IL19: variants seen among roughly 807,000 people sequenced by gnomAD.
IL19 encodes the protein interleukin-19.
Under a neutral mutation model 19.5 loss-of-function variants are expected in IL19, and 15 were observed. That is an observed-to-expected ratio of 0.77 (90% CI 0.52 to 1.19). IL19 has a LOEUF of 1.19. Ranked by LOEUF, IL19 falls within the 50% of genes most tolerant of loss-of-function variation. IL19 has a pLI of 0.00. For missense variants in IL19, 199 were observed against 213.1 expected, an observed-to-expected ratio of 0.93 and a Z score of 0.41; for synonymous variants, 78 against 78.3, an observed-to-expected ratio of 1.00 and a Z score of 0.02.
intron 2 of IL19, among the ~76,000 whole-genome samples, chr1:206,830,083 A>G (rs1332397256): frequency 2.0e-5 from 3 of 152,164 alleles, no homozygotes. Context: ...TCACAAGTCT[A>G]GGTTCCTTTC....
chr1:206,795,051 G>A (rs1031124482), intron 1 of IL19, among the ~76,000 whole-genome samples: 6 of 152,176 alleles, frequency 3.9e-5, no homozygotes, highest in African/African-American at 1.4e-4. Flanking sequence ...TGGCTGTTAT[G>A]CTCTGGCCCA....
At chr1:206,833,493 A>G (rs1345661553) in intron 2 of IL19, among the ~76,000 whole-genome samples, 1 of 152,296 alleles carries the variant, frequency 6.6e-6, no homozygotes, top group Non-Finnish European at 1.5e-5. Context: ...GGCCTAGTGC[A>G]GTAACTCAGT....
intron 1 of IL19, among the ~76,000 whole-genome samples, chr1:206,797,430 C>T (rs1675551941): frequency 6.6e-6 from 1 of 152,066 alleles, no homozygotes; most frequent in Non-Finnish European, 1.5e-5. Flanking sequence ...ACACATCCCC[C>T]ACCTCCGAGA....
Position 206,829,663 on chromosome 1 carries a change from G to A in IL19, c.-2-6998G>A, listed in dbSNP as rs564875457. 1.2e-4 allele frequency among the ~76,000 whole-genome samples: 18 copies of A among 152,264 alleles called. No individual in the cohort carries two copies. The South Asian group carries it at 1.7e-3, about 14-fold the overall frequency. Reference sequence around the variant, plus strand: ...TTAGACTGGAGAGTTCCAAGACTGGGTTTGCATTTTAAAAAGTCCACCTAC... The same window carrying A: ...TTAGACTGGAGAGTTCCAAGACTGGATTTGCATTTTAAAAAGTCCACCTAC... On this transcript the variant is annotated intron_variant, in intron 2 of 6. Coordinates refer to ENST00000659997, the MANE Select transcript of IL19 (RefSeq NM_153758.5).
At chr1:206,824,163 C>A (rs1676369060) in intron 2 of IL19, among the ~76,000 whole-genome samples, 1 of 152,166 alleles carries the variant, frequency 6.6e-6, no homozygotes, top group South Asian at 2.1e-4. Flanking sequence ...CTAGCTGTTG[C>A]CCCAGGGGGA....
chr1:206,798,112 C>T (rs1442923830), intron 1 of IL19, among the ~76,000 whole-genome samples: 2 of 152,160 alleles, frequency 1.3e-5, no homozygotes, highest in Non-Finnish European at 2.9e-5. Context: ...AGATGACATT[C>T]CCCAGACCTC....
At chr1:206,809,403 T>A (rs540934469) in intron 2 of IL19, among the ~76,000 whole-genome samples, 1 of 152,326 alleles carries the variant, frequency 6.6e-6, no homozygotes, top group East Asian at 1.9e-4. Flanking sequence ...TCTGTGGGCC[T>A]GACCTCCACT....
At chr1:206,840,182 C>T (rs1227308741) in intron 5 of IL19, 180 bp downstream of exon 5, 1 of 753,960 alleles carries the variant, frequency 1.3e-6, no homozygotes. Context: ...CCCAGGGCTC[C>T]CTGCCTGCTG....
intron 1 of IL19, among the ~76,000 whole-genome samples, chr1:206,795,124 C>G (rs550736926): frequency 6.6e-6 from 1 of 152,282 alleles, no homozygotes; most frequent in African/African-American, 2.4e-5. Flanking sequence ...CAGTCTAGAT[C>G]CAGACACAAG....
chr1:206,819,413 A>G (rs1676239702), intron 2 of IL19, among the ~76,000 whole-genome samples: 1 of 151,876 alleles, frequency 6.6e-6, no homozygotes, highest in Non-Finnish European at 1.5e-5. Flanking sequence ...GTGAAACCCC[A>G]TCTCTACTAA....
chr1:206,772,032 G>A (rs774242836), intron 1 of IL19, among the ~76,000 whole-genome samples: 24 of 152,206 alleles, frequency 1.6e-4, no homozygotes, highest in Admixed American at 5.9e-4. Context: ...TTCTCAGCAC[G>A]AGAGAGAACG....
intron 1 of IL19, among the ~76,000 whole-genome samples, chr1:206,797,711 G>A (rs1212731422): frequency 6.6e-6 from 1 of 152,160 alleles, no homozygotes; most frequent in African/African-American, 2.4e-5. Context: ...CGTGGCCAAA[G>A]GAGGACAGCA....
In IL19 at chr1:206,770,808, G is replaced by C; in HGVS notation, c.-419G>C. The C allele has an allele frequency of 2.6e-6, 3 of 1,153,094 alleles. No homozygotes were observed. Among genetic ancestry groups the C allele is most frequent in the Admixed American group, 3.4e-5 (2 of 59,358 alleles). The allele number at this position is 1,153,094 out of a possible 1,614,324, so 71.4% of individuals were successfully genotyped here. Reference sequence around the variant, plus strand: ...CATTTACAGCTAGCTCTGCCAGTCTGTGTCTTTGCTGTGTCTGTGGATGTG... The same window carrying C: ...CATTTACAGCTAGCTCTGCCAGTCTCTGTCTTTGCTGTGTCTGTGGATGTG... On this transcript the variant is annotated 5_prime_UTR_variant, in exon 1 of 7. Transcript: ENST00000659997.
intron 2 of IL19, among the ~76,000 whole-genome samples, chr1:206,818,326 C>T (rs147135065): frequency 7.6e-4 from 115 of 152,204 alleles, no homozygotes; most frequent in Non-Finnish European, 1.2e-3. Flanking sequence ...AAACAAATTG[C>T]GGCATAGCCA....
At chr1:206,808,902 A>G (rs1304605206) in intron 2 of IL19, among the ~76,000 whole-genome samples, 2 of 152,162 alleles carry the variant, frequency 1.3e-5, no homozygotes. Flanking sequence ...CCAGGAAAGG[A>G]CAGCCTGGGT....
intron 2 of IL19, among the ~76,000 whole-genome samples, chr1:206,818,780 TTTTCTTTC>T (rs762883906): frequency 3.3e-5 from 5 of 151,648 alleles, no homozygotes; most frequent in Admixed American, 2.0e-4. Context: ...AGAGTTTGTA[TTTTCTTTC>T]TTTCTTTCTT....
chr1:206,786,005 C>T (rs1045877583), intron 1 of IL19, among the ~76,000 whole-genome samples: 18 of 137,448 alleles, frequency 1.3e-4, no homozygotes, highest in Non-Finnish European at 2.0e-4. Flanking sequence ...GGGGTGGTGA[C>T]GGGGACTTGG....
intron 2 of IL19, among the ~76,000 whole-genome samples, chr1:206,816,670 C>T (rs1456112245): frequency 6.6e-6 from 1 of 151,856 alleles, no homozygotes; most frequent in Non-Finnish European, 1.5e-5. Flanking sequence ...AGAGGATAGC[C>T]CCAAACCTAG....
chr1:206,770,912 G>T lies in IL19; in HGVS notation c.-315G>T, dbSNP rs771912629. 2.5e-6 allele frequency: 4 copies of T among 1,613,864 alleles called. No individual in the cohort carries two copies. The highest frequency in any genetic ancestry group is 2.2e-5 in the East Asian group (1 of 44,890). On this transcript the variant is annotated 5_prime_UTR_variant, in exon 1 of 7. Transcript: ENST00000659997. ...AAAACTGATCTGCTACTTACACAGC[G>T]CCGTAGCCTCAGCCTGAGGGTCTTC...
Sources: gnomAD v4.1 joint callset for allele counts (sites outside exome capture counted in the v4.1 genomes callset) on GRCh38, gnomAD v4.1.1 for gene constraint, MANE v1.5 for transcripts, NCBI Gene and HGNC (gene_info 2026-07-23, HGNC 2026-07-21) for gene names.